ZNF385D: variants seen among roughly 807,000 people sequenced by gnomAD.
ZNF385D encodes zinc finger protein 385D.
A neutral mutation model predicts 35.8 loss-of-function variants in ZNF385D; 15 were observed. The observed-to-expected ratio is 0.42, with a 90% CI of 0.28 to 0.64. The LOEUF (loss-of-function observed/expected upper bound fraction) is 0.64, where lower values mean the gene tolerates loss of function less well. Ranked by LOEUF, ZNF385D falls within the 30% of genes least tolerant of loss-of-function variation. The pLI, the probability that ZNF385D is intolerant of heterozygous loss-of-function variation, is 0.23. For missense variants in ZNF385D, 474 were observed against 494.6 expected, an observed-to-expected ratio of 0.96 and a Z score of 0.39; for synonymous variants, 212 against 186.8, an observed-to-expected ratio of 1.13 and a Z score of -1.10.
intron 3 of ZNF385D, among the ~76,000 whole-genome samples, chr3:22,072,956 G>T (rs1001977241): frequency 6.6e-6 from 1 of 151,968 alleles, no homozygotes; most frequent in African/African-American, 2.4e-5. Flanking sequence ...AGAGAAGGGA[G>T]GCCACCTTGA....
At chr3:21,521,935 A>T (rs1172490999) in intron 3 of ZNF385D, among the ~76,000 whole-genome samples, 1 of 152,218 alleles carries the variant, frequency 6.6e-6, no homozygotes, top group African/African-American at 2.4e-5. Flanking sequence ...CAAGAGCTTC[A>T]CCAAATTCAG....
At chr3:22,259,938 A>G (rs9872261) in intron 2 of ZNF385D, among the ~76,000 whole-genome samples, 13,375 of 152,010 alleles carry the variant, frequency 0.088, 911 homozygotes, top group African/African-American at 0.18. Flanking sequence ...TACTTTCAAT[A>G]ACCTCAAAAT....
chr3:22,210,110 G>C (rs1697423258), intron 2 of ZNF385D, among the ~76,000 whole-genome samples: 1 of 151,740 alleles, frequency 6.6e-6, no homozygotes, highest in African/African-American at 2.4e-5. Flanking sequence ...TACCAGCCAA[G>C]TCCCAGGAAA....
chr3:21,968,641 G>T (rs141961988), intron 3 of ZNF385D, among the ~76,000 whole-genome samples: 170 of 152,270 alleles, frequency 1.1e-3, no homozygotes, highest in African/African-American at 3.9e-3. Flanking sequence ...CTGTCTTGAA[G>T]CAAAGGGCCA....
intron 3 of ZNF385D, among the ~76,000 whole-genome samples, chr3:21,969,251 A>T (rs1424498944): frequency 6.6e-6 from 1 of 152,092 alleles, no homozygotes; most frequent in African/African-American, 2.4e-5. Context: ...GCCCCCACTC[A>T]AATCTCATCT....
chr3:22,322,863 T>C (rs1694505423), intron 2 of ZNF385D, among the ~76,000 whole-genome samples: 1 of 152,204 alleles, frequency 6.6e-6, no homozygotes, highest in African/African-American at 2.4e-5. Flanking sequence ...TTAAGTACTT[T>C]TTATCATTTT....
At chr3:22,315,916 A>G (rs747967982) in intron 2 of ZNF385D, among the ~76,000 whole-genome samples, 7 of 152,160 alleles carry the variant, frequency 4.6e-5, no homozygotes, top group African/African-American at 7.2e-5. Context: ...GAATTCTGCT[A>G]AAAAGTAGGC....
At chr3:21,710,478 T>G (rs1056486886) in intron 1 of ZNF385D, among the ~76,000 whole-genome samples, 7 of 152,224 alleles carry the variant, frequency 4.6e-5, no homozygotes, top group African/African-American at 1.7e-4. Context: ...GGCTTCTTTT[T>G]GTGTTTTTCA....
rs1159950305 is a variant in ZNF385D, at chr3:21,663,915, A to ATATATT, written c.165+970_165+971insAATATA. Among the ~76,000 whole-genome samples the ATATATT allele has an allele frequency of 1.0e-3, 110 of 105,874 alleles. 4 individuals carry two copies. The highest frequency in any genetic ancestry group is 3.7e-3 in the African/African-American group (98 of 26,606). 69.5% of individuals were successfully genotyped at this position (105,874 alleles called of 152,430 possible). A position where few individuals can be genotyped will look rare whatever the true frequency, so the allele number is the denominator to read the frequency against. ...AATATATATATATATATATATATAT[A>ATATATT]TATTTATTTATTTAAATCCATCATG... On this transcript the variant is annotated intron_variant, in intron 2 of 7. Coordinates refer to ENST00000281523, the MANE Select transcript of ZNF385D (RefSeq NM_024697.3).
At chr3:21,690,322 CT>C (rs546109237) in intron 1 of ZNF385D, among the ~76,000 whole-genome samples, 240 of 152,238 alleles carry the variant, frequency 1.6e-3, no homozygotes, top group African/African-American at 5.6e-3. Context: ...GGCAATAAAT[CT>C]GCAAGCTATC....
chr3:21,439,297 C>CAAAAAA (rs143786633), intron 4 of ZNF385D, among the ~76,000 whole-genome samples: 1 of 89,326 alleles, frequency 1.1e-5, no homozygotes, highest in Non-Finnish European at 2.4e-5. Flanking sequence ...GATTTTGAGG[C>CAAAAAA]AAAAAAAAAA....
At chr3:22,252,449 G>T (rs1317643381) in intron 2 of ZNF385D, among the ~76,000 whole-genome samples, 3 of 152,068 alleles carry the variant, frequency 2.0e-5, no homozygotes, top group Non-Finnish European at 4.4e-5. Flanking sequence ...AGGTGAGTAT[G>T]TTTAAGTAGA....
Position 22,327,824 on chromosome 3 carries a change from C to T in ZNF385D, c.106+44626G>A, listed in dbSNP as rs138956282. On this transcript the variant is annotated intron_variant, in intron 2 of 5. Transcript: ENST00000494108. ...TGTCCCTGTGCTTTGTGAATGTTGA[C>T]CTTGTATGGAAGAGAACATTGCTAT... 1.7e-3 allele frequency among the ~76,000 whole-genome samples: 257 copies of T among 152,226 alleles called. 1 individual carries two copies. Among genetic ancestry groups the T allele is most frequent in the African/African-American group, 6.0e-3 (248 of 41,516 alleles).
chr3:21,967,426 T>C lies in ZNF385D; in HGVS notation c.325+201391A>G, dbSNP rs187637207. On this transcript the variant is annotated intron_variant, in intron 3 of 5. Transcript: ENST00000494108. ...TACTTCCAGCTATTTTGGATTATTT[T>C]ATGGCAGAACAATAATCCTGTTAAG... Among the ~76,000 whole-genome samples the C allele has an allele frequency of 1.1e-3, 163 of 152,302 alleles. 1 individual carries two copies. The highest frequency in any genetic ancestry group is 9.7e-4 in the Non-Finnish European group (66 of 68,022).
intron 3 of ZNF385D, among the ~76,000 whole-genome samples, chr3:21,794,485 A>G (rs928017481): frequency 6.6e-6 from 1 of 152,170 alleles, no homozygotes; most frequent in African/African-American, 2.4e-5. Flanking sequence ...CTTATACACA[A>G]CAGGAAGTTA....
At chr3:22,158,467 G>C (rs1263717413) in intron 3 of ZNF385D, among the ~76,000 whole-genome samples, 1 of 151,932 alleles carries the variant, frequency 6.6e-6, no homozygotes, top group East Asian at 1.9e-4. Context: ...TTCTTAACAA[G>C]TTCACAGTGC....
In ZNF385D at chr3:21,814,630, T is replaced by A. The variant is rs1017322706; in HGVS notation, c.326-149602A>T. 3.3e-5 allele frequency among the ~76,000 whole-genome samples: 5 copies of A among 152,154 alleles called. 2 individuals are homozygous for A. The South Asian group carries it at 1.0e-3, about 32-fold the overall frequency. ...AAGGGATGATTTCAACAAGAAGAGC[T>A]AACTATCCTAAATATATATGCACCC... is the stretch of plus-strand genomic sequence containing the variant. On this transcript the variant is annotated intron_variant, in intron 3 of 5. Coordinates refer to the ZNF385D transcript ENST00000494108.
At position 21,732,030 on chromosome 3, in the gene ZNF385D, G is replaced by GTTTTTT. The variant is rs1214143626; in HGVS notation, c.22+18859_22+18864dup. ...TTCAGGGTTTTTTTCTTTTTTCGGG[G>GTTTTTT]TTTTTTTTTTTTTTTTTTTTTTTTT... is the stretch of plus-strand genomic sequence containing the variant. On this transcript the variant is annotated intron_variant, in intron 1 of 7. Coordinates refer to ENST00000281523, the MANE Select transcript of ZNF385D (RefSeq NM_024697.3). Among the ~76,000 whole-genome samples, 33 of 37,398 alleles carry GTTTTTT rather than the reference G, an allele frequency of 8.8e-4. 2 individuals carry two copies. Among genetic ancestry groups the GTTTTTT allele is most frequent in the Non-Finnish European group, 1.6e-3 (28 of 17,928 alleles). 24.5% of individuals were successfully genotyped at this position (37,398 alleles called of 152,430 possible). A position where few individuals can be genotyped will look rare whatever the true frequency, so the allele number is the denominator to read the frequency against.
At position 21,624,723 on chromosome 3, in the gene ZNF385D, C is replaced by T. The variant is rs542856053; in HGVS notation, c.165+40163G>A. Among the ~76,000 whole-genome samples the T allele has an allele frequency of 2.0e-5, 3 of 152,146 alleles. No individual in the cohort carries two copies. The South Asian group carries it at 6.2e-4, about 32-fold the overall frequency. ...ACTCAAGCAGCATGCAGACTTAGTG[C>T]CAGGCATTCCAGGAAAACGTTGAGT... On this transcript the variant is annotated intron_variant, in intron 2 of 7. Transcript: ENST00000281523.
Sources: allele counts gnomAD v4.1 joint callset (sites outside exome capture counted in the v4.1 genomes callset), GRCh38; gene constraint gnomAD v4.1.1; transcripts MANE v1.5; gene names NCBI Gene and HGNC (gene_info 2026-07-23, HGNC 2026-07-21).